PLAAT2: variants seen among roughly 807,000 people sequenced by gnomAD.
PLAAT2 encodes HRAS like suppressor 2.
PLAAT2 carries 12 observed loss-of-function variants against 12.8 expected under a neutral mutation model. That is an observed-to-expected ratio of 0.94 (90% CI 0.60 to 1.52). PLAAT2 has a LOEUF of 1.52. Among genes scored for constraint, PLAAT2 ranks in the 40% most tolerant of loss-of-function variants. The pLI, the probability that PLAAT2 is intolerant of heterozygous loss-of-function variation, is 0.00. For missense variants in PLAAT2, 166 were observed against 208.1 expected, an observed-to-expected ratio of 0.80 and a Z score of 1.24; for synonymous variants, 79 against 86.8, an observed-to-expected ratio of 0.91 and a Z score of 0.50.
At chr11:63,558,750 G>C in intron 2 of PLAAT2, 90 bp from the exon 3 acceptor site, 1 of 1,474,894 alleles carries the variant, frequency 6.8e-7, no homozygotes, top group Non-Finnish European at 9.3e-7. Context: ...CACCATCAAG[G>C]AGGAGCAGCT....
At chr11:63,553,246 G>C (rs2017434500) in intron 3 of PLAAT2, among the ~76,000 whole-genome samples, 181 bp from the exon 4 acceptor site, 1 of 152,206 alleles carries the variant, frequency 6.6e-6, no homozygotes, top group African/African-American at 2.4e-5. Flanking sequence ...GGAAAGAGGA[G>C]TGGAGATGTC....
intron 3 of PLAAT2, among the ~76,000 whole-genome samples, chr11:63,554,862 T>G (rs17158406): frequency 0.015 from 2,246 of 152,176 alleles, 19 homozygotes; most frequent in Non-Finnish European, 0.024. Flanking sequence ...TCAAATACAC[T>G]CAGAATTGTT....
chr11:63,556,883 G>C (rs879602768), intron 3 of PLAAT2, among the ~76,000 whole-genome samples: 2 of 152,200 alleles, frequency 1.3e-5, no homozygotes, highest in African/African-American at 2.4e-5. Flanking sequence ...TGCCTCATCT[G>C]TCTGCTGCTT....
chr11:63,554,429 C>G (rs906842755), intron 3 of PLAAT2, among the ~76,000 whole-genome samples: 3 of 151,714 alleles, frequency 2.0e-5, no homozygotes, highest in Non-Finnish European at 4.4e-5. Context: ...GTCAGGAGTT[C>G]GAGACCAGCC....
chr11:63,559,866 C>T (rs992291087), intron 2 of PLAAT2, among the ~76,000 whole-genome samples: 2 of 152,100 alleles, frequency 1.3e-5, no homozygotes, highest in Admixed American at 6.5e-5. Flanking sequence ...AGACTGAACC[C>T]CACTCTATAA....
intron 3 of PLAAT2, among the ~76,000 whole-genome samples, chr11:63,556,621 G>C (rs2017468992): frequency 6.6e-6 from 1 of 152,134 alleles, no homozygotes; most frequent in African/African-American, 2.4e-5. Flanking sequence ...CAGTCTCTCA[G>C]TTAATAGCGT....
chr11:63,553,172 A>C (rs1334405964), intron 3 of PLAAT2, 107 bp from the exon 4 acceptor site: 2 of 673,268 alleles, frequency 3.0e-6, no homozygotes, highest in Admixed American at 2.9e-5. Context: ...AGTCCTCTTC[A>C]TTTGAATCAC....
chr11:63,554,557 G>A (rs2017448849), intron 3 of PLAAT2, among the ~76,000 whole-genome samples: 1 of 151,740 alleles, frequency 6.6e-6, no homozygotes, highest in Non-Finnish European at 1.5e-5. Flanking sequence ...GAACCCAGGA[G>A]GCAGAGGTTG....
chr11:63,553,056 C>CA lies in PLAAT2; in HGVS notation c.396dup (p.Ala133CysfsTer49). Reference sequence around the variant, plus strand: ...GCTGCCACACCTACTGTCGTGACTGCACCAGTGACCTGCAGCAGAAGAGAA... The same window carrying CA: ...GCTGCCACACCTACTGTCGTGACTGCAACCAGTGACCTGCAGCAGAAGAGAA... On this transcript the variant is annotated frameshift_variant, in exon 4 of 4. Coordinates refer to ENST00000255695, the MANE Select transcript of PLAAT2 (RefSeq NM_017878.2). LOFTEE classifies it low-confidence loss of function (END_TRUNC). 1 of 1,611,414 alleles carries CA rather than the reference C, an allele frequency of 6.2e-7. No individual in the cohort carries two copies. Among genetic ancestry groups the CA allele is most frequent in the Non-Finnish European group, 8.5e-7 (1 of 1,178,048 alleles).
At chr11:63,556,128 G>C (rs1386470057) in intron 3 of PLAAT2, among the ~76,000 whole-genome samples, 1 of 152,172 alleles carries the variant, frequency 6.6e-6, no homozygotes, top group African/African-American at 2.4e-5. Flanking sequence ...GAGTCCTGCA[G>C]CTTTCACAAG....
At chr11:63,554,503 C>T (rs1397156454) in intron 3 of PLAAT2, among the ~76,000 whole-genome samples, 1 of 152,022 alleles carries the variant, frequency 6.6e-6, no homozygotes, top group Non-Finnish European at 1.5e-5. Flanking sequence ...TGGCGGGTGC[C>T]TATAATCCCA....
intron 3 of PLAAT2, 42 bp downstream of exon 3, chr11:63,558,350 G>C: frequency 6.2e-7 from 1 of 1,602,080 alleles, no homozygotes; most frequent in Non-Finnish European, 8.5e-7. Flanking sequence ...AGCTGAGGGA[G>C]TGGCCTGGCT....
chr11:63,554,030 G>A (rs191753016), intron 3 of PLAAT2, among the ~76,000 whole-genome samples: 56 of 152,260 alleles, frequency 3.7e-4, no homozygotes, highest in Non-Finnish European at 5.3e-4. Flanking sequence ...ATGTGAGGCC[G>A]ACCCCCGAGG....
intron 1 of PLAAT2, 97 bp from the exon 2 acceptor site, chr11:63,560,290 C>T (rs774406356): frequency 1.4e-5 from 11 of 804,128 alleles, no homozygotes; most frequent in Admixed American, 4.4e-5. Flanking sequence ...CCTGCAGATT[C>T]CCTGTGCTCA....
At chr11:63,564,676 GA>G (rs1386308796), upstream of PLAAT2, among the ~76,000 whole-genome samples, 1 of 152,156 alleles carries the variant, frequency 6.6e-6, no homozygotes, top group Non-Finnish European at 1.5e-5. Flanking sequence ...ATTCCTTCTG[GA>G]GGGAGACAGT....
At chr11:63,560,385 T>C (rs544538715) in intron 1 of PLAAT2, among the ~76,000 whole-genome samples, 192 bp from the exon 2 acceptor site, 1 of 152,170 alleles carries the variant, frequency 6.6e-6, no homozygotes, top group Non-Finnish European at 1.5e-5. Context: ...GACTGAAAAG[T>C]TGCTCTTCAG....
At chr11:63,560,404 G>C (rs989439599) in intron 1 of PLAAT2, among the ~76,000 whole-genome samples, 1 of 152,354 alleles carries the variant, frequency 6.6e-6, no homozygotes, top group South Asian at 2.1e-4. Context: ...AGGGGACAAG[G>C]AGGAGATGAA....
chr11:63,554,085 T>G (rs1012677518), intron 3 of PLAAT2, among the ~76,000 whole-genome samples: 5 of 148,800 alleles, frequency 3.4e-5, no homozygotes, highest in African/African-American at 1.2e-4. Flanking sequence ...CGAGACAGTC[T>G]GCTGCGATCC....
chr11:63,563,284 T>C, intron 1 of PLAAT2, 32 bp downstream of exon 1: 1 of 1,613,872 alleles, frequency 6.2e-7, no homozygotes, highest in Non-Finnish European at 8.5e-7. Flanking sequence ...GTTCCTCAAA[T>C]CAAAGCTTTA....
Sources: allele counts gnomAD v4.1 joint callset (sites outside exome capture counted in the v4.1 genomes callset), GRCh38; gene constraint gnomAD v4.1.1; transcripts MANE v1.5; gene names NCBI Gene and HGNC (gene_info 2026-07-23, HGNC 2026-07-21).